The following PDE4A variants were observed in gnomAD, a reference collection of about 807,000 sequenced individuals.
The protein encoded by PDE4A is phosphodiesterase 4A, also known as 3',5'-cyclic-AMP phosphodiesterase 4A.
A neutral mutation model predicts 73.9 loss-of-function variants in PDE4A; 21 were observed. The ratio of observed to expected loss-of-function variants is 0.28; its 90% CI spans 0.20 to 0.41. PDE4A has a LOEUF of 0.41. Among genes scored for constraint, PDE4A ranks in the 10% least tolerant of loss-of-function variants. The pLI is 1.00. For synonymous variants in PDE4A, 463 were observed against 505.4 expected, an observed-to-expected ratio of 0.92 and a Z score of 1.13; for missense variants, 958 against 1,211.4, an observed-to-expected ratio of 0.79 and a Z score of 3.10.
intron 1 of PDE4A, among the ~76,000 whole-genome samples, chr19:10,436,156 C>T (rs1163237490): frequency 1.3e-5 from 2 of 152,070 alleles, no homozygotes; most frequent in Admixed American, 6.6e-5. Flanking sequence ...ATGTTCCTCT[C>T]GCCTTCTCTG....
intron 6 of PDE4A, chr19:10,452,864 T>TTCCCCCCCC: frequency 4.0e-6 from 2 of 497,872 alleles, no homozygotes; most frequent in Non-Finnish European, 5.3e-6. Context: ...GCCCCTTTAA[T>TTCCCCCCCC]ACCCCCCCAC....
At chr19:10,446,443 C>G (rs1228412756) in intron 2 of PDE4A, 34 bp downstream of exon 2, 1 of 1,587,544 alleles carries the variant, frequency 6.3e-7, no homozygotes, top group East Asian at 2.3e-5. Context: ...CCAGTTCCCC[C>G]AGGCCTGGTC....
Position 10,467,377 on chromosome 19 carries a change from T to C in PDE4A, c.2417T>C (p.Val806Ala). The change falls in exon 15 of 15, where the codon GTA becomes GCA. Residue 806 changes from valine to alanine, a missense_variant. By Grantham distance (64) the Val-to-Ala change is moderately conservative. Around this residue, in one of 3 missense-constraint regions of PDE4A, gnomAD observed 243 missense variants for 245.9 expected, o/e 0.99. Coordinates refer to ENST00000380702, the MANE Select transcript of PDE4A (RefSeq NM_001111307.2). ...FSSREEFVVA[V>A]SHSSPSALAL... ...TCCCGGGAGGAATTCGTGGTTGCTG[T>C]AAGCCACAGCAGCCCCTCTGCCCTG... The C allele has an allele frequency of 6.2e-7, 1 of 1,614,170 alleles. No individual in the cohort carries two copies. Among genetic ancestry groups the C allele is most frequent in the East Asian group, 2.2e-5 (1 of 44,878 alleles).
chr19:10,466,845 A>G (rs747869789), intron 14 of PDE4A, 42 bp from the exon 15 acceptor site: 1 of 1,582,820 alleles, frequency 6.3e-7, no homozygotes, highest in South Asian at 1.1e-5. Context: ...GGTATCATCC[A>G]CCCCATAGGC....
intron 1 of PDE4A, among the ~76,000 whole-genome samples, chr19:10,445,174 G>T (rs890379978): frequency 6.6e-6 from 1 of 152,174 alleles, no homozygotes; most frequent in South Asian, 2.1e-4. Flanking sequence ...AGCTCGCCCT[G>T]GTGGCCACTG....
At chr19:10,448,550 C>T (rs780397815) in intron 2 of PDE4A, among the ~76,000 whole-genome samples, 2 of 151,188 alleles carry the variant, frequency 1.3e-5, no homozygotes, top group African/African-American at 2.4e-5. Context: ...ACAGGAGAAT[C>T]GCTTGAACCT....
At chr19:10,459,325 T>G (rs28395784) in intron 8 of PDE4A, 75 bp from the exon 9 acceptor site, 3 of 1,606,676 alleles carry the variant, frequency 1.9e-6, no homozygotes, top group African/African-American at 2.7e-5. Context: ...AGACCAAGGC[T>G]TCAAACTCCT....
chr19:10,446,109 G>GATTACAGGC (rs1371637144), intron 1 of PDE4A, 109 bp from the exon 2 acceptor site: 4 of 1,459,752 alleles, frequency 2.7e-6, no homozygotes, highest in Non-Finnish European at 2.7e-6. Flanking sequence ...AAAGTGCTGG[G>GATTACAGGC]ATTACAGGCA....
At chr19:10,464,128 C>CAAA in intron 14 of PDE4A, 153 bp downstream of exon 14, 2 of 975,312 alleles carry the variant, frequency 2.1e-6, no homozygotes, top group Non-Finnish European at 3.0e-6. Flanking sequence ...GACGGAGTCT[C>CAAA]ATTCTATTGC....
At chr19:10,444,254 C>A (rs2042974446) in intron 1 of PDE4A, among the ~76,000 whole-genome samples, 1 of 152,064 alleles carries the variant, frequency 6.6e-6, no homozygotes, top group South Asian at 2.1e-4. Context: ...GTGGCCCACA[C>A]CTGTAATCCC....
Position 10,424,395 on chromosome 19 carries a change from T to TG in PDE4A, c.320+3312dup, listed in dbSNP as rs2042687372. ...GGGTATCCGTCTGGTCGCTGGTCTC[T>TG]GTCTCCACTTGGGTCCTCGCCTCCC... On this transcript the variant is annotated intron_variant, in intron 1 of 14. Coordinates refer to ENST00000380702, the MANE Select transcript of PDE4A (RefSeq NM_001111307.2). This position sits in a 1 kb window ranked among gnomAD's most constrained non-coding sequence, Gnocchi z 4.8. Among the ~76,000 whole-genome samples, 1 of 152,220 alleles carries TG rather than the reference T, an allele frequency of 6.6e-6. No individual in the cohort carries two copies. Among genetic ancestry groups the TG allele is most frequent in the Non-Finnish European group, 1.5e-5 (1 of 68,030 alleles).
At chr19:10,448,713 C>A (rs1429756714) in intron 2 of PDE4A, 4 of 568,642 alleles carry the variant, frequency 7.0e-6, no homozygotes, top group Non-Finnish European at 8.9e-6. Context: ...CCGGACCTAC[C>A]TGAGCCACAC....
intron 1 of PDE4A, among the ~76,000 whole-genome samples, chr19:10,441,390 G>A (rs2042935528): frequency 6.6e-6 from 1 of 151,438 alleles, no homozygotes; most frequent in Admixed American, 6.6e-5. Flanking sequence ...GCCTCCCAGA[G>A]TGCTGGGATT....
upstream of PDE4A, chr19:10,419,101 G>C: frequency 2.0e-5 from 20 of 980,522 alleles, no homozygotes; most frequent in Non-Finnish European, 2.4e-5. Context: ...GAAGGGCGCG[G>C]GGGGAGGGCG....
chr19:10,445,396 G>C (rs2042989842), intron 1 of PDE4A, among the ~76,000 whole-genome samples: 1 of 152,212 alleles, frequency 6.6e-6, no homozygotes, highest in South Asian at 2.1e-4. Flanking sequence ...CAGTGGGGAT[G>C]GATGCACACC....
At chr19:10,439,274 C>T (rs543816514) in intron 1 of PDE4A, among the ~76,000 whole-genome samples, 4 of 151,078 alleles carry the variant, frequency 2.6e-5, no homozygotes, top group Admixed American at 6.6e-5. Flanking sequence ...CTCCGTCTCC[C>T]GGGTTCAAGC....
In PDE4A at chr19:10,465,240, G is replaced by A. The variant is rs10423080; in HGVS notation, c.1926+1265G>A. Among the ~76,000 whole-genome samples the A allele has an allele frequency of 4.7e-3, 679 of 146,002 alleles. 4 individuals carry two copies. Among genetic ancestry groups the A allele is most frequent in the African/African-American group, 0.016 (652 of 39,656 alleles). On this transcript the variant is annotated intron_variant, in intron 14 of 14. Transcript: ENST00000380702. Reference sequence around the variant, plus strand: ...CCCTCCTCATTTTTTTTTTTTTTGAGACAGAGTTTCCTTCTTGTCACCCAG... The same window carrying A: ...CCCTCCTCATTTTTTTTTTTTTTGAAACAGAGTTTCCTTCTTGTCACCCAG...
intron 1 of PDE4A, among the ~76,000 whole-genome samples, chr19:10,441,113 C>T (rs1370699965): frequency 6.6e-6 from 1 of 152,112 alleles, no homozygotes; most frequent in East Asian, 1.9e-4. Context: ...TCACTCACTA[C>T]AGCCTCAAAC....
chr19:10,429,777 G>A (rs972796211), intron 1 of PDE4A, among the ~76,000 whole-genome samples: 2 of 152,138 alleles, frequency 1.3e-5, no homozygotes, highest in African/African-American at 4.8e-5. Flanking sequence ...GAGGAATCTA[G>A]TTGTGTCCCT....
Sources: allele counts gnomAD v4.1 joint callset (sites outside exome capture counted in the v4.1 genomes callset), GRCh38; gene constraint gnomAD v4.1.1; regional missense constraint gnomAD v4.1.1; non-coding constraint Gnocchi (gnomAD v3.1); transcripts MANE v1.5; gene names NCBI Gene and HGNC (gene_info 2026-07-23, HGNC 2026-07-21).